Variants in SGCZ observed in about 807,000 individuals in gnomAD.
SGCZ encodes the protein sarcoglycan zeta.
Under a neutral mutation model 41.3 loss-of-function variants are expected in SGCZ, and 40 were observed. The observed-to-expected ratio is 0.97, with a 90% CI of 0.75 to 1.26. SGCZ has a LOEUF of 1.26. Among genes scored for constraint, SGCZ ranks in the 50% most tolerant of loss-of-function variants. The probability of loss-of-function intolerance (pLI) is 0.00; values close to 1 mark genes in which losing one functional copy is unlikely to be tolerated. For synonymous variants in SGCZ, 206 were observed against 137.5 expected, an observed-to-expected ratio of 1.50 and a Z score of -3.49; for missense variants, 552 against 369.8, an observed-to-expected ratio of 1.49 and a Z score of -4.04.
intron 2 of SGCZ, among the ~76,000 whole-genome samples, chr8:14,433,808 T>G (rs6986126): frequency 0.099 from 15,112 of 152,186 alleles, 2,229 homozygotes; most frequent in African/African-American, 0.32. Context: ...CTGAATAAAC[T>G]GAAATGTCCG....
At chr8:14,189,356 C>G (rs1003822542) in intron 4 of SGCZ, among the ~76,000 whole-genome samples, 1 of 152,170 alleles carries the variant, frequency 6.6e-6, no homozygotes, top group African/African-American at 2.4e-5. Flanking sequence ...TCAACAGCTC[C>G]TTATATTACT....
At position 14,401,574 on chromosome 8, in the gene SGCZ, G is replaced by A. The variant is rs549683533; in HGVS notation, c.235-77370C>T. On this transcript the variant is annotated intron_variant, in intron 2 of 7. Coordinates refer to ENST00000382080, the MANE Select transcript of SGCZ (RefSeq NM_139167.4). ...GTTCTTGCGATAGTTTACTGAGAAT[G>A]ATGATTTCCAATTTCATCCATGTCC... Among the ~76,000 whole-genome samples the A allele has an allele frequency of 8.7e-3, 1,315 of 150,700 alleles. 12 individuals carry two copies. The highest frequency in any genetic ancestry group is 0.018 in the South Asian group (87 of 4,790).
intron 1 of SGCZ, among the ~76,000 whole-genome samples, chr8:14,860,689 A>G (rs1426841477): frequency 6.8e-6 from 1 of 147,064 alleles, no homozygotes; most frequent in African/African-American, 2.6e-5. Context: ...AGAAAGAAAG[A>G]AAGAAGGAAA....
intron 1 of SGCZ, among the ~76,000 whole-genome samples, chr8:15,159,060 A>T (rs1799419267): frequency 6.6e-6 from 1 of 152,194 alleles, no homozygotes; most frequent in Non-Finnish European, 1.5e-5. Context: ...CACCTGAAAG[A>T]CCAGAACATC....
intron 1 of SGCZ, among the ~76,000 whole-genome samples, chr8:15,026,779 A>G (rs1203255784): frequency 6.6e-6 from 1 of 152,166 alleles, no homozygotes; most frequent in Non-Finnish European, 1.5e-5. Flanking sequence ...ATACTTAATT[A>G]TATATTGTGA....
intron 1 of SGCZ, among the ~76,000 whole-genome samples, chr8:15,157,195 C>G (rs1366968412): frequency 2.6e-5 from 4 of 151,884 alleles, no homozygotes; most frequent in Middle Eastern, 3.2e-3. Flanking sequence ...TTATACTTAC[C>G]CATAAATATT....
intron 1 of SGCZ, among the ~76,000 whole-genome samples, chr8:14,802,509 T>C (rs1801354186): frequency 6.6e-6 from 1 of 152,166 alleles, no homozygotes; most frequent in Non-Finnish European, 1.5e-5. Flanking sequence ...GAGCCAGTGA[T>C]TCAAAATCAC....
chr8:14,431,394 G>C (rs191361127), intron 2 of SGCZ, among the ~76,000 whole-genome samples: 216 of 152,142 alleles, frequency 1.4e-3, no homozygotes, highest in Middle Eastern at 0.014. Flanking sequence ...CAAATACTTA[G>C]AGCCAAGTGA....
intron 2 of SGCZ, among the ~76,000 whole-genome samples, chr8:14,426,141 G>C (rs1434036005): frequency 1.3e-5 from 2 of 152,218 alleles, no homozygotes; most frequent in African/African-American, 4.8e-5. Context: ...CTGGAGGTAA[G>C]GGATTCAGCC....
At chr8:14,118,892 G>A (rs751916649) in intron 5 of SGCZ, among the ~76,000 whole-genome samples, 3 of 152,242 alleles carry the variant, frequency 2.0e-5, no homozygotes, top group South Asian at 4.1e-4. Flanking sequence ...TGTTATTTCC[G>A]AAGTTTCTGT....
intron 1 of SGCZ, among the ~76,000 whole-genome samples, chr8:14,572,449 A>T (rs957987322): frequency 6.6e-6 from 1 of 152,218 alleles, no homozygotes; most frequent in Non-Finnish European, 1.5e-5. Context: ...ACCATGTGCC[A>T]GGCACTAATG....
intron 1 of SGCZ, among the ~76,000 whole-genome samples, chr8:15,033,536 T>A (rs1411795349): frequency 1.3e-5 from 2 of 152,052 alleles, no homozygotes; most frequent in East Asian, 1.9e-4. Flanking sequence ...GGAGCACCAC[T>A]AGAGAATGAA....
chr8:14,187,868 G>A (rs1444010292), intron 4 of SGCZ, among the ~76,000 whole-genome samples: 4 of 151,990 alleles, frequency 2.6e-5, no homozygotes, highest in Admixed American at 6.6e-5. Context: ...TAAACACAAA[G>A]AGACCCACAC....
chr8:15,068,048 T>C (rs1354000845), intron 1 of SGCZ, among the ~76,000 whole-genome samples: 5 of 152,208 alleles, frequency 3.3e-5, no homozygotes, highest in Non-Finnish European at 1.5e-5. Context: ...TTTAGAGTGG[T>C]TGGGTCATAG....
chr8:14,854,021 TTATATATATATATATATATA>T lies in SGCZ; in HGVS notation c.40-299115_40-299096del, dbSNP rs10604213. Among the ~76,000 whole-genome samples the T allele has an allele frequency of 3.1e-3, 330 of 107,676 alleles. 1 individual carries two copies. The highest frequency in any genetic ancestry group is 5.6e-3 in the Middle Eastern group (1 of 178). The allele number at this position is 107,676 out of a possible 152,430, so 70.6% of individuals were successfully genotyped here. ...CGACATCAGTTTCTATGTGATTATA[TTATATATATATATATATATA>T]TATATATATATATATCCTTTTGTAT... On this transcript the variant is annotated intron_variant, in intron 1 of 7. Transcript: ENST00000382080.
intron 2 of SGCZ, among the ~76,000 whole-genome samples, chr8:14,416,827 C>G (rs1799505711): frequency 1.3e-5 from 2 of 151,744 alleles, no homozygotes; most frequent in South Asian, 2.1e-4. Context: ...ATACATCTCA[C>G]AGTTTATTGA....
At chr8:14,138,375 A>G (rs1364978387) in intron 5 of SGCZ, among the ~76,000 whole-genome samples, 1 of 152,222 alleles carries the variant, frequency 6.6e-6, no homozygotes, top group Non-Finnish European at 1.5e-5. Context: ...GCCCCAATTA[A>G]CAGACAAAGA....
At chr8:14,481,432 T>G (rs1180850702) in intron 2 of SGCZ, among the ~76,000 whole-genome samples, 1 of 152,200 alleles carries the variant, frequency 6.6e-6, no homozygotes, top group African/African-American at 2.4e-5. Context: ...GCAATAAGTT[T>G]CAAAGTCATG....
At chr8:15,156,731 G>C (rs998593160) in intron 1 of SGCZ, among the ~76,000 whole-genome samples, 1 of 151,938 alleles carries the variant, frequency 6.6e-6, no homozygotes, top group Admixed American at 6.6e-5. Flanking sequence ...ATCACCTGAG[G>C]TCAGGAGTTC....
Sources: gnomAD v4.1 joint callset for allele counts (sites outside exome capture counted in the v4.1 genomes callset) on GRCh38, gnomAD v4.1.1 for gene constraint, MANE v1.5 for transcripts, NCBI Gene and HGNC (gene_info 2026-07-23, HGNC 2026-07-21) for gene names.